The following MUC5AC variants were observed in gnomAD, a reference collection of about 807,000 sequenced individuals.
MUC5AC encodes mucin-5AC.
MUC5AC carries 158 observed loss-of-function variants against 169.7 expected under a neutral mutation model. That is an observed-to-expected ratio of 0.93 (90% CI 0.82 to 1.06). The LOEUF (loss-of-function observed/expected upper bound fraction) is 1.06. MUC5AC is among the 50% of genes least tolerant of loss of function. The pLI is 0.00. For synonymous variants in MUC5AC, 1,975 were observed against 1,237.0 expected (o/e 1.60, Z -12.52); for missense variants, 4,359 against 3,089.9 (o/e 1.41, Z -9.74).
intron 11 of MUC5AC, among the ~76,000 whole-genome samples, chr11:1,166,127 AAC>A (rs1306329820): frequency 2.0e-5 from 3 of 151,282 alleles, no homozygotes; most frequent in Non-Finnish European, 3.0e-5. Flanking sequence ...CCCTGCACCA[AAC>A]ACACAGTCTC....
At position 1,163,005 on chromosome 11, in the gene MUC5AC, C is replaced by G; in HGVS notation, c.639C>G (p.Asp213Glu). ...ACAAGACCTGTGGGCTCTGTGGGGA[C>G]TTCAACGGGATGCCCGTGGTCAGCG... ...YANKTCGLCG[D>E]FNGMPVVSEL... Residue 213 changes from aspartate to glutamate, a missense_variant, in exon 6 of 49, where the codon GAC (aspartate) becomes GAG (glutamate). Asp to Glu is a conservative substitution (Grantham distance 45). Coordinates refer to ENST00000621226, the MANE Select transcript of MUC5AC (RefSeq NM_001304359.2). The G allele has an allele frequency of 6.2e-7, 1 of 1,612,698 alleles. No individual in the cohort carries two copies. The highest frequency in any genetic ancestry group is 8.5e-7 in the Non-Finnish European group (1 of 1,179,858).
chr11:1,190,371 A>T lies in MUC5AC; in HGVS notation c.12226A>T (p.Ser4076Cys), dbSNP rs1590147710. 1.5e-6 allele frequency: 1 copy of T among 651,042 alleles called. No individual in the cohort carries two copies. Among genetic ancestry groups the T allele is most frequent in the Non-Finnish European group, 2.8e-6 (1 of 359,872 alleles). 40.3% of individuals were successfully genotyped at this position (651,042 alleles called of 1,614,324 possible). ...TAGCACCCCTAGTGGGAGAGCCACC[A>T]GCCCAACTCAGAGCACTTCCTCTTG... ...APSTPSGRAT[S>C]PTQSTSSWQK... is the part of the protein sequence containing the mutation. The change falls in exon 31 of 49, where the codon AGC becomes TGC. Residue 4076 changes from serine to cysteine, a missense_variant. Coordinates refer to ENST00000621226, the MANE Select transcript of MUC5AC (RefSeq NM_001304359.2).
At chr11:1,194,715 CG>C in intron 35 of MUC5AC, 45 bp downstream of exon 35, 2 of 708,804 alleles carry the variant, frequency 2.8e-6, no homozygotes, top group South Asian at 1.5e-5. Flanking sequence ...TTCGCGGGGG[CG>C]GGGGTGCCGG....
Position 1,200,879 on chromosome 11 carries a change from G to A in MUC5AC, c.*177G>A, listed in dbSNP as rs1290584449. 2 of 508,092 alleles carry A rather than the reference G, an allele frequency of 3.9e-6. No individual in the cohort carries two copies. Among genetic ancestry groups the A allele is most frequent in the East Asian group, 3.0e-5 (1 of 33,504 alleles). The allele number at this position is 508,092 out of a possible 1,614,324, so 31.5% of individuals were successfully genotyped here. On this transcript the variant is annotated 3_prime_UTR_variant, in exon 49 of 49. Transcript: ENST00000621226. ...ATGGGTCACCTGCTGCCTGGAGGAGGGGCCCTTACCCACCCCGCCTGCAGC... is the reference window on the plus strand; with the variant it reads ...ATGGGTCACCTGCTGCCTGGAGGAGAGGCCCTTACCCACCCCGCCTGCAGC...
chr11:1,164,590 C>G, intron 9 of MUC5AC, 58 bp downstream of exon 9: 1 of 1,537,080 alleles, frequency 6.5e-7, no homozygotes, highest in Non-Finnish European at 8.7e-7. Flanking sequence ...GGGGGCTGTG[C>G]TCCCATGGCC....
intron 22 of MUC5AC, 29 bp from the exon 23 acceptor site, chr11:1,177,202 C>A (rs1444729736): frequency 7.5e-6 from 3 of 399,762 alleles, no homozygotes; most frequent in Non-Finnish European, 1.3e-5. Context: ...CAGGGCCTGC[C>A]TGGTCCTTGA....
chr11:1,168,598 C>T (rs553167007), intron 13 of MUC5AC, 44 bp from the exon 14 acceptor site: 68 of 1,612,322 alleles, frequency 4.2e-5, no homozygotes, highest in African/African-American at 3.2e-4. Context: ...CCTGGGGTCC[C>T]GCCCCACAGC....
At chr11:1,200,372 G>C (rs376138354) in intron 48 of MUC5AC, 66 bp from the exon 49 acceptor site, 2 of 625,790 alleles carry the variant, frequency 3.2e-6, no homozygotes, top group African/African-American at 1.8e-5. Context: ...AGCTCGGCAC[G>C]GCGCCGGCTT....
chr11:1,164,084 C>G (rs775927651), intron 7 of MUC5AC, 22 bp from the exon 8 acceptor site: 46 of 1,610,880 alleles, frequency 2.9e-5, no homozygotes, highest in Non-Finnish European at 3.7e-5. Flanking sequence ...AGGACTCAGA[C>G]GGGCTGTGGC....
chr11:1,195,101 G>A lies in MUC5AC; in HGVS notation c.15280G>A (p.Val5094Met), dbSNP rs1486891884. ...SCSEMSGLWN[V>M]SIPDQPACHR... ...CTCCGAGATGTCCGGCCTCTGGAAC[G>A]TGAGCATACCCGACCAGCCAGCCTG... The change falls in exon 36 of 49, where the codon GTG becomes ATG. Residue 5094 changes from valine (V) to methionine (M), a missense_variant. Transcript: ENST00000621226. 25 of 763,062 alleles carry A rather than the reference G, an allele frequency of 3.3e-5. No individual in the cohort carries two copies. The East Asian group carries it at 3.4e-4, about 10-fold the overall frequency. 47.3% of individuals were successfully genotyped at this position (763,062 alleles called of 1,614,324 possible). A position where few individuals can be genotyped will look rare whatever the true frequency, so the allele number is the denominator to read the frequency against.
chr11:1,164,030 C>A (rs1860228390), intron 7 of MUC5AC, 39 bp downstream of exon 7: 1 of 1,608,644 alleles, frequency 6.2e-7, no homozygotes, highest in Non-Finnish European at 8.5e-7. Context: ...GCAGGTTGAG[C>A]AGGAGGGGTT....
intron 25 of MUC5AC, 109 bp downstream of exon 25, chr11:1,178,792 G>C: frequency 1.8e-6 from 1 of 547,296 alleles, no homozygotes; most frequent in Non-Finnish European, 2.8e-6. Context: ...CCAACCAAGG[G>C]TGTGGGCTGC....
intron 1 of MUC5AC, among the ~76,000 whole-genome samples, chr11:1,158,790 G>T (rs1860039691): frequency 6.6e-6 from 1 of 152,160 alleles, no homozygotes; most frequent in African/African-American, 2.4e-5. Flanking sequence ...AGCAGGGCAG[G>T]GACCTCAGCA....
chr11:1,168,403 C>CA (rs1860395286), intron 12 of MUC5AC, 80 bp from the exon 13 acceptor site: 1 of 1,388,902 alleles, frequency 7.2e-7, no homozygotes, highest in Non-Finnish European at 1.0e-6. Context: ...TAGGCACCTG[C>CA]AGGCACATTT....
In MUC5AC at chr11:1,179,131, G is replaced by A. The variant is rs1202628910; in HGVS notation, c.3367G>A (p.Ala1123Thr). 3.0e-6 allele frequency: 2 copies of A among 656,378 alleles called. No homozygotes were observed. The highest frequency in any genetic ancestry group is 1.8e-5 in the African/African-American group (1 of 55,760). 40.7% of individuals were successfully genotyped at this position (656,378 alleles called of 1,614,324 possible). A position where few individuals can be genotyped will look rare whatever the true frequency, so the allele number is the denominator to read the frequency against. ...GTACTACGAGGCCTGCGTGAACGAC[G>A]CGTGCGCCTGCGACTCCGGGGGTGA... ...ARYYEACVND[A>T]CACDSGGDCE... is the part of the protein sequence containing the mutation. Residue 1123 changes from alanine to threonine, a missense_variant, in exon 26 of 49, where the codon GCG (alanine) becomes ACG (threonine). Coordinates refer to ENST00000621226, the MANE Select transcript of MUC5AC (RefSeq NM_001304359.2).
At position 1,183,578 on chromosome 11, in the gene MUC5AC, C is replaced by T. The variant is rs1470350220; in HGVS notation, c.5433C>T (p.Cys1811=). The change falls in exon 31 of 49, where the codon TGC becomes TGT. Residue 1811 remains cysteine, a synonymous_variant. Coordinates refer to ENST00000621226, the MANE Select transcript of MUC5AC (RefSeq NM_001304359.2). The part of the protein sequence containing the change: ...SIEHLGQVVQ[C]SREEGLVCRN... The stretch of plus-strand genomic sequence containing the variant: ...AACACCTGGGCCAGGTGGTGCAGTG[C>T]AGCCGGGAAGAGGGCCTGGTGTGCC... 2.9e-4 allele frequency: 187 copies of T among 637,218 alleles called. No individual in the cohort carries two copies. Among genetic ancestry groups the T allele is most frequent in the Non-Finnish European group, 3.1e-4 (111 of 355,644 alleles). 39.5% of individuals were successfully genotyped at this position (637,218 alleles called of 1,614,324 possible). A position where few individuals can be genotyped will look rare whatever the true frequency, so the allele number is the denominator to read the frequency against.
chr11:1,176,282 C>G (rs1860686407), intron 20 of MUC5AC, 31 bp downstream of exon 20: 1 of 398,608 alleles, frequency 2.5e-6, no homozygotes, highest in Non-Finnish European at 4.4e-6. Context: ...CAATGACAGA[C>G]CCTCCATCTG....
At chr11:1,169,212 T>G in intron 15 of MUC5AC, 186 bp downstream of exon 15, 2 of 956,920 alleles carry the variant, frequency 2.1e-6, no homozygotes, top group Non-Finnish European at 2.5e-6. Flanking sequence ...GCTTCAGGAA[T>G]GTGGGGCATC....
In MUC5AC at chr11:1,163,957, T is replaced by C. The variant is rs1389952686; in HGVS notation, c.755T>C (p.Val252Ala). The change falls in exon 7 of 49, where the codon GTC becomes GCC. Residue 252 changes from valine to alanine, a missense_variant. By Grantham distance (64) the Val-to-Ala change is moderately conservative. Transcript: ENST00000621226. ...DDPTDQCQDP[V>A]PEPPRNCSTG... ...CCCACGGACCAGTGTCAGGACCCTG[T>C]CCCTGAACCCCCGAGGAACTGCTCC... is the stretch of plus-strand genomic sequence containing the variant. The C allele has an allele frequency of 6.2e-7, 1 of 1,611,176 alleles. No homozygotes were observed. The highest frequency in any genetic ancestry group is 8.5e-7 in the Non-Finnish European group (1 of 1,179,334).
Sources: allele counts gnomAD v4.1 joint callset (sites outside exome capture counted in the v4.1 genomes callset), GRCh38; gene constraint gnomAD v4.1.1; transcripts MANE v1.5; gene names NCBI Gene and HGNC (gene_info 2026-07-23, HGNC 2026-07-21).